OSBPL10: variants seen among roughly 807,000 people sequenced by gnomAD.
OSBPL10 encodes the protein oxysterol-binding protein-related protein 10.
In OSBPL10, 49 loss-of-function variants were observed where a neutral mutation model predicts 81.7. That is an observed-to-expected ratio of 0.60 (90% CI 0.48 to 0.76). The LOEUF is 0.76. OSBPL10 is among the 30% of genes least tolerant of loss of function. The pLI, the probability that OSBPL10 is intolerant of heterozygous loss-of-function variation, is 0.00. For synonymous variants in OSBPL10, 419 were observed against 383.6 expected (o/e 1.09, Z -1.08); for missense variants, 923 against 987.8 (o/e 0.93, Z 0.88).
chr3:31,934,688 G>GAA (rs113331747), intron 1 of OSBPL10, among the ~76,000 whole-genome samples: 91 of 149,202 alleles, frequency 6.1e-4, no homozygotes, highest in African/African-American at 1.3e-3. Context: ...CATTTTTATA[G>GAA]AAAAAAAAAG....
intron 1 of OSBPL10, among the ~76,000 whole-genome samples, chr3:31,971,144 T>C (rs1019142820): frequency 1.8e-5 from 2 of 111,506 alleles, no homozygotes. Context: ...TTTTTCTTTT[T>C]TTTTTTTTTT....
At chr3:31,936,710 G>C (rs2125730898) in intron 1 of OSBPL10, among the ~76,000 whole-genome samples, 1 of 152,090 alleles carries the variant, frequency 6.6e-6, no homozygotes, top group Non-Finnish European at 1.5e-5. Context: ...AAATTAAATA[G>C]GTCAAATACA....
intron 4 of OSBPL10, among the ~76,000 whole-genome samples, chr3:31,768,338 C>T (rs1374092298): frequency 6.6e-6 from 1 of 152,108 alleles, no homozygotes. Flanking sequence ...CTACCAAACT[C>T]CTATCTCAGG....
intron 8 of OSBPL10, among the ~76,000 whole-genome samples, chr3:31,673,536 G>A (rs939986673): frequency 1.3e-5 from 2 of 152,170 alleles, no homozygotes; most frequent in African/African-American, 4.8e-5. Context: ...GCAGCTGAGA[G>A]AGGCCCCTGG....
rs991760837 is a variant in OSBPL10, at chr3:31,933,791, A to G, written c.281+47108T>C. On this transcript the variant is annotated intron_variant, in intron 1 of 11. Transcript: ENST00000396556. ...CCAATGCACTGAAGGACAGCAATCAAGGGGTATTCAAATTACAAAAGATTT... is the reference window on the plus strand; with the variant it reads ...CCAATGCACTGAAGGACAGCAATCAGGGGGTATTCAAATTACAAAAGATTT... 1.3e-5 allele frequency among the ~76,000 whole-genome samples: 2 copies of G among 152,178 alleles called. 1 individual carries two copies. The highest frequency in any genetic ancestry group is 1.3e-4 in the Admixed American group (2 of 15,276).
intron 4 of OSBPL10, among the ~76,000 whole-genome samples, chr3:31,756,412 A>G (rs1697891103): frequency 1.3e-5 from 2 of 152,292 alleles, no homozygotes; most frequent in South Asian, 4.1e-4. Context: ...GGCTCATTCC[A>G]TCAACAACCA....
intron 2 of OSBPL10, among the ~76,000 whole-genome samples, chr3:31,987,614 G>A (rs1017680150): frequency 6.6e-6 from 1 of 152,148 alleles, no homozygotes; most frequent in South Asian, 2.1e-4. Context: ...TTTGAGCTGG[G>A]CTCTCTAATC....
chr3:31,965,112 G>A (rs981566571), intron 1 of OSBPL10, among the ~76,000 whole-genome samples: 4 of 151,820 alleles, frequency 2.6e-5, no homozygotes, highest in Non-Finnish European at 4.4e-5. Context: ...TAGGCCAGGC[G>A]GCCGGGGCGC....
intron 4 of OSBPL10, among the ~76,000 whole-genome samples, chr3:31,764,491 G>C (rs979798179): frequency 1.3e-5 from 2 of 152,228 alleles, no homozygotes; most frequent in Non-Finnish European, 2.9e-5. Context: ...AGGGGAAGAA[G>C]AGAAGGGAAG....
chr3:31,905,458 G>A (rs1696382509), intron 1 of OSBPL10, among the ~76,000 whole-genome samples: 2 of 148,564 alleles, frequency 1.3e-5, no homozygotes, highest in South Asian at 2.1e-4. Context: ...CAAGTGATTC[G>A]TATGCCTCAG....
At chr3:31,694,800 A>G (rs767374287) in intron 7 of OSBPL10, among the ~76,000 whole-genome samples, 2 of 152,112 alleles carry the variant, frequency 1.3e-5, no homozygotes, top group Non-Finnish European at 2.9e-5. Flanking sequence ...TGTTGCCCAG[A>G]CTGGAGTGCA....
chr3:31,830,058 C>A lies in OSBPL10; in HGVS notation c.711G>T (p.Gln237His). 6.2e-7 allele frequency: 1 copy of A among 1,613,314 alleles called. No homozygotes were observed. The highest frequency in any genetic ancestry group is 1.1e-5 in the South Asian group (1 of 90,950). The change falls in exon 4 of 12, where the codon CAG (glutamine) becomes CAT (histidine). Residue 237 changes from glutamine to histidine, a missense_variant. Gln to His is a conservative substitution (Grantham distance 24, BLOSUM62 0). Transcript: ENST00000396556. ...AGCCTACCTCTCTGACTTCGTGAAG[C>A]TGGCCGGAATACTGACTCTTGGCTC... ...ARRAKSQYSG[Q>H]LHEVREMMNQ...
intron 1 of OSBPL10, among the ~76,000 whole-genome samples, chr3:31,937,709 A>G (rs541157806): frequency 6.3e-4 from 95 of 151,702 alleles, no homozygotes; most frequent in African/African-American, 1.9e-3. Context: ...CCTTCCCCCA[A>G]CCTCTCTTCT....
intron 3 of OSBPL10, among the ~76,000 whole-genome samples, chr3:31,869,111 G>A (rs1701254392): frequency 6.6e-6 from 1 of 152,198 alleles, no homozygotes; most frequent in Non-Finnish European, 1.5e-5. Flanking sequence ...CCAACTCCGA[G>A]GAGTGCTTCA....
intron 1 of OSBPL10, among the ~76,000 whole-genome samples, chr3:31,941,879 C>T (rs1433054892): frequency 2.0e-5 from 3 of 152,218 alleles, no homozygotes; most frequent in South Asian, 4.1e-4. Flanking sequence ...TCTTCAAGTG[C>T]TATCTGATTT....
intron 1 of OSBPL10, among the ~76,000 whole-genome samples, chr3:31,923,428 A>G (rs1434492940): frequency 2.6e-5 from 4 of 152,320 alleles, no homozygotes; most frequent in African/African-American, 9.6e-5. Context: ...CGTAACGAGG[A>G]AATAAATGCA....
chr3:31,674,348 G>A (rs1700399757), intron 8 of OSBPL10, among the ~76,000 whole-genome samples: 2 of 152,048 alleles, frequency 1.3e-5, no homozygotes, highest in East Asian at 1.9e-4. Context: ...GAGCCCAGGA[G>A]TTTGAGACCA....
rs775197459 is a variant in OSBPL10, at chr3:31,664,171, G to T, written c.2158C>A (p.Gln720Lys). The T allele has an allele frequency of 6.2e-7, 1 of 1,613,516 alleles. No homozygotes were observed. The highest frequency in any genetic ancestry group is 1.1e-5 in the South Asian group (1 of 91,048). ...TGCTTCTCCTCCAGGTGCCGCTTCT[G>T]CTCGGTGGCTGCGTCAATGTCCCCC... ...RLGDIDAATE[Q>K]KRHLEEKQRV... The change falls in exon 11 of 12, where the codon CAG becomes AAG. Residue 720 changes from glutamine to lysine, a missense_variant. Physicochemically the swap from Gln to Lys is moderately conservative, Grantham distance 53. Transcript: ENST00000396556.
chr3:32,032,685 A>T (rs577326487), intron 2 of OSBPL10, among the ~76,000 whole-genome samples: 4 of 152,302 alleles, frequency 2.6e-5, no homozygotes, highest in Non-Finnish European at 4.4e-5. Context: ...TACATCTCCA[A>T]TTTTTAATTC....
Sources: allele counts gnomAD v4.1 joint callset (sites outside exome capture counted in the v4.1 genomes callset), GRCh38; gene constraint gnomAD v4.1.1; transcripts MANE v1.5; gene names NCBI Gene and HGNC (gene_info 2026-07-23, HGNC 2026-07-21).